The following COL24A1 variants were observed in gnomAD, a reference collection of about 807,000 sequenced individuals.
COL24A1 encodes the protein collagen alpha-1(XXIV) chain.
In COL24A1, 224 loss-of-function variants were observed where a neutral mutation model predicts 253.9. The ratio of observed to expected loss-of-function variants is 0.88; its 90% CI spans 0.79 to 0.99. The LOEUF (loss-of-function observed/expected upper bound fraction) is 0.99, where lower values mean the gene tolerates loss of function less well. Among genes scored for constraint, COL24A1 ranks in the 50% least tolerant of loss-of-function variants. The pLI is 0.00. For synonymous variants in COL24A1, 685 were observed against 673.7 expected (o/e 1.02, Z -0.26); for missense variants, 2,131 against 2,068.5 (o/e 1.03, Z -0.59).
chr1:85,823,102 G>C (rs1570759646), intron 45 of COL24A1, among the ~76,000 whole-genome samples: 1 of 152,176 alleles, frequency 6.6e-6, no homozygotes, highest in South Asian at 2.1e-4. Context: ...TATTGTAATA[G>C]TCATGAACAA....
At chr1:85,956,061 A>C (rs547668212) in intron 24 of COL24A1, among the ~76,000 whole-genome samples, 2 of 152,364 alleles carry the variant, frequency 1.3e-5, no homozygotes, top group East Asian at 3.8e-4. Flanking sequence ...TGATGCAGAA[A>C]AGAGAGACTT....
At chr1:85,916,733 A>T (rs1685935798) in intron 24 of COL24A1, among the ~76,000 whole-genome samples, 1 of 152,220 alleles carries the variant, frequency 6.6e-6, no homozygotes, top group African/African-American at 2.4e-5. Context: ...GTCAAATCTG[A>T]TAATACCACA....
chr1:86,134,349 T>G (rs1188453538), intron 2 of COL24A1, among the ~76,000 whole-genome samples: 9 of 152,210 alleles, frequency 5.9e-5, no homozygotes, highest in Admixed American at 5.9e-4. Context: ...TCCATTTCCT[T>G]CAGTTCTTCT....
intron 51 of COL24A1, among the ~76,000 whole-genome samples, 186 bp downstream of exon 51, chr1:85,783,310 A>C (rs1405411394): frequency 6.6e-6 from 1 of 151,188 alleles, no homozygotes; most frequent in Admixed American, 6.6e-5. Context: ...GTGGTCTATG[A>C]GGTATTTTGC....
intron 47 of COL24A1, among the ~76,000 whole-genome samples, chr1:85,806,075 CAAAAAAAAAAA>C (rs59669169): frequency 1.1e-5 from 1 of 95,122 alleles, no homozygotes; most frequent in Non-Finnish European, 2.3e-5. Context: ...GACTCCGTCT[CAAAAAAAAAAA>C]AAAAAAAGAA....
chr1:85,768,884 A>G (rs1178290053), intron 53 of COL24A1, among the ~76,000 whole-genome samples: 2 of 152,184 alleles, frequency 1.3e-5, no homozygotes, highest in African/African-American at 4.8e-5. Flanking sequence ...ATCCGGTGCT[A>G]TAATAGACTG....
intron 31 of COL24A1, among the ~76,000 whole-genome samples, chr1:85,891,043 T>C (rs1683071027): frequency 6.6e-6 from 1 of 151,850 alleles, no homozygotes; most frequent in Non-Finnish European, 1.5e-5. Flanking sequence ...TTTTGTAAAT[T>C]GCATCTTTTT....
chr1:86,135,502 C>T (rs1650084403), intron 2 of COL24A1, among the ~76,000 whole-genome samples: 1 of 151,904 alleles, frequency 6.6e-6, no homozygotes, highest in Admixed American at 6.6e-5. Flanking sequence ...TATATCATTT[C>T]TCTATAATCC....
At chr1:85,882,638 A>G (rs982611664) in intron 32 of COL24A1, among the ~76,000 whole-genome samples, 1 of 152,160 alleles carries the variant, frequency 6.6e-6, no homozygotes, top group Non-Finnish European at 1.5e-5. Context: ...TAGTTGACTT[A>G]CGGTACTAAC....
intron 24 of COL24A1, among the ~76,000 whole-genome samples, chr1:85,918,130 T>TG (rs199728698): frequency 2.9e-5 from 2 of 68,732 alleles, no homozygotes; most frequent in African/African-American, 7.5e-5. Context: ...GTGGTTTTTG[T>TG]TTTTTTTTTT....
In COL24A1 at chr1:85,736,630, T is replaced by A. The variant is rs1259839909; in HGVS notation, c.4782+766A>T. 3 of 384,020 alleles carry A rather than the reference T, an allele frequency of 7.8e-6. No homozygotes were observed. In the Admixed American group the frequency reaches 9.0e-5, roughly 11 times the overall value. The allele number at this position is 384,020 out of a possible 1,614,324, so 23.8% of individuals were successfully genotyped here. The stretch of plus-strand genomic sequence containing the variant: ...GTTTTAGGAGGAGAGGGCGGTTCAA[T>A]AAGAAGCAGCTAAAGAGATTGAATT... On this transcript the variant is annotated intron_variant, in intron 58 of 59. Coordinates refer to ENST00000370571, the MANE Select transcript of COL24A1 (RefSeq NM_152890.7).
At chr1:86,143,257 T>C (rs1226934869) in intron 2 of COL24A1, among the ~76,000 whole-genome samples, 1 of 152,166 alleles carries the variant, frequency 6.6e-6, no homozygotes, top group Non-Finnish European at 1.5e-5. Flanking sequence ...TACTGGAAGC[T>C]TAGAGAACTA....
intron 47 of COL24A1, among the ~76,000 whole-genome samples, chr1:85,804,001 T>G (rs1045966002): frequency 6.6e-6 from 1 of 152,132 alleles, no homozygotes; most frequent in African/African-American, 2.4e-5. Flanking sequence ...AAGACCTACA[T>G]TAAAAATAAT....
chr1:85,945,817 T>C (rs1456979996), intron 24 of COL24A1, among the ~76,000 whole-genome samples: 2 of 152,098 alleles, frequency 1.3e-5, no homozygotes, highest in African/African-American at 2.4e-5. Context: ...TAGTTCTTTA[T>C]GACTTATTTG....
At chr1:85,823,480 G>T in intron 45 of COL24A1, 56 bp downstream of exon 45, 1 of 1,527,396 alleles carries the variant, frequency 6.5e-7, no homozygotes, top group Non-Finnish European at 9.1e-7. Context: ...TTGTGCTCCT[G>T]CTTTCTAAAA....
At chr1:85,856,014 G>A (rs1678398995) in intron 37 of COL24A1, among the ~76,000 whole-genome samples, 1 of 152,078 alleles carries the variant, frequency 6.6e-6, no homozygotes, top group Admixed American at 6.5e-5. Context: ...AGGGTTTTTT[G>A]TATTTCCGTG....
At chr1:86,063,607 T>A (rs1454225874) in intron 8 of COL24A1, 108 bp downstream of exon 8, 2 of 674,702 alleles carry the variant, frequency 3.0e-6, no homozygotes, top group Non-Finnish European at 4.6e-6. Context: ...GAGTAAAAAA[T>A]CACTGAGAAG....
intron 2 of COL24A1, among the ~76,000 whole-genome samples, chr1:86,145,312 T>G (rs1424605307): frequency 6.6e-6 from 1 of 152,132 alleles, no homozygotes; most frequent in East Asian, 1.9e-4. Context: ...TTGGCAGCTC[T>G]GTGCAGAAGA....
intron 24 of COL24A1, among the ~76,000 whole-genome samples, chr1:85,948,341 G>A (rs985402552): frequency 1.3e-4 from 19 of 151,206 alleles, no homozygotes; most frequent in Non-Finnish European, 2.4e-4. Flanking sequence ...TGGCTAACAC[G>A]GTGAAACCCC....
Sources: gnomAD v4.1 joint callset for allele counts (sites outside exome capture counted in the v4.1 genomes callset) on GRCh38, gnomAD v4.1.1 for gene constraint, MANE v1.5 for transcripts, NCBI Gene and HGNC (gene_info 2026-07-23, HGNC 2026-07-21) for gene names.